The following ERBB4 variants were observed in gnomAD, a reference collection of about 807,000 sequenced individuals.
ERBB4 encodes erb-b2 receptor tyrosine kinase 4.
Under a neutral mutation model 158.0 loss-of-function variants are expected in ERBB4, and 42 were observed. That is an observed-to-expected ratio of 0.27 (90% CI 0.21 to 0.34). ERBB4 has a LOEUF of 0.34. Among genes scored for constraint, ERBB4 ranks in the 10% least tolerant of loss-of-function variants. ERBB4 has a pLI of 1.00. For missense variants in ERBB4, 1,333 were observed against 1,624.1 expected (o/e 0.82, Z 3.08); for synonymous variants, 583 against 558.7 (o/e 1.04, Z -0.61).
At chr2:212,494,915 G>A (rs577937865) in intron 1 of ERBB4, among the ~76,000 whole-genome samples, 1 of 152,214 alleles carries the variant, frequency 6.6e-6, no homozygotes, top group Non-Finnish European at 1.5e-5. Flanking sequence ...TTACAATAGA[G>A]TTAATGCAGA....
intron 1 of ERBB4, among the ~76,000 whole-genome samples, chr2:212,520,536 A>T (rs1300673680): frequency 6.6e-6 from 1 of 151,954 alleles, no homozygotes; most frequent in Non-Finnish European, 1.5e-5. Flanking sequence ...GTTCTGGAGC[A>T]CCACCTGTCA....
At chr2:211,649,542 C>A (rs1165168099) in intron 16 of ERBB4, among the ~76,000 whole-genome samples, 1 of 151,836 alleles carries the variant, frequency 6.6e-6, no homozygotes, top group Non-Finnish European at 1.5e-5. Flanking sequence ...AGAGATTGAA[C>A]AAAGGAGTTG....
intron 20 of ERBB4, among the ~76,000 whole-genome samples, chr2:211,551,085 T>A (rs1019255387): frequency 2.6e-5 from 4 of 152,106 alleles, no homozygotes; most frequent in Admixed American, 6.5e-5. Context: ...TTAAAAAAAA[T>A]TAAACACTGT....
intron 5 of ERBB4, among the ~76,000 whole-genome samples, chr2:211,747,791 A>G (rs1331407547): frequency 1.3e-5 from 2 of 151,948 alleles, no homozygotes; most frequent in Non-Finnish European, 2.9e-5. Context: ...TCTCAATCTG[A>G]GAATAAATAT....
chr2:211,655,831 G>A (rs1368361233), intron 16 of ERBB4, among the ~76,000 whole-genome samples: 1 of 152,084 alleles, frequency 6.6e-6, no homozygotes. Flanking sequence ...AGACTAACTA[G>A]TCTTGATTGT....
chr2:212,348,652 TG>T (rs144512274), intron 1 of ERBB4, among the ~76,000 whole-genome samples: 19,717 of 152,078 alleles, frequency 0.13, 1,762 homozygotes, highest in Non-Finnish European at 0.19. Flanking sequence ...TGGACAGACT[TG>T]GTCAGAAATA....
chr2:211,557,818 G>A (rs559791605), intron 20 of ERBB4, among the ~76,000 whole-genome samples: 9 of 152,164 alleles, frequency 5.9e-5, no homozygotes, highest in South Asian at 2.1e-4. Context: ...ACATGCACAC[G>A]TATGTTCATT....
At chr2:211,505,775 A>G (rs1343852137) in intron 20 of ERBB4, among the ~76,000 whole-genome samples, 7 of 152,046 alleles carry the variant, frequency 4.6e-5, no homozygotes, top group Admixed American at 4.6e-4. Context: ...CCTGGCTAAC[A>G]CGGTGAAACC....
At chr2:211,977,639 C>T (rs1392782570) in intron 2 of ERBB4, among the ~76,000 whole-genome samples, 3 of 150,458 alleles carry the variant, frequency 2.0e-5, no homozygotes, top group Non-Finnish European at 3.0e-5. Flanking sequence ...TAGCTCGAGA[C>T]CAGCCTGGCC....
chr2:211,826,353 T>C (rs1351870327), intron 3 of ERBB4, among the ~76,000 whole-genome samples: 1 of 151,894 alleles, frequency 6.6e-6, no homozygotes, highest in East Asian at 1.9e-4. Flanking sequence ...CCTGTCTTTA[T>C]GGAACCTTCT....
chr2:211,580,649 G>A (rs2068039381), intron 19 of ERBB4, among the ~76,000 whole-genome samples: 2 of 150,680 alleles, frequency 1.3e-5, no homozygotes, highest in East Asian at 2.0e-4. Flanking sequence ...CCACTACTGT[G>A]TATCTACCCA....
chr2:211,738,540 T>C (rs1001941857), intron 5 of ERBB4, among the ~76,000 whole-genome samples: 11 of 151,896 alleles, frequency 7.2e-5, no homozygotes, highest in Non-Finnish European at 1.3e-4. Flanking sequence ...TCAGCTAATT[T>C]TTTGTATTTT....
At chr2:212,433,115 T>C (rs1179648189) in intron 1 of ERBB4, among the ~76,000 whole-genome samples, 1 of 152,098 alleles carries the variant, frequency 6.6e-6, no homozygotes, top group Admixed American at 6.6e-5. Flanking sequence ...TTACATATTA[T>C]GCATTCTTAA....
intron 1 of ERBB4, among the ~76,000 whole-genome samples, chr2:212,289,876 G>T (rs748021251): frequency 3.9e-5 from 6 of 152,112 alleles, no homozygotes; most frequent in Non-Finnish European, 7.4e-5. Flanking sequence ...ATGTCATTCA[G>T]ATTCTCTATA....
At position 212,376,687 on chromosome 2, in the gene ERBB4, T is replaced by C. The variant is rs568324906; in HGVS notation, c.82+161762A>G. ...GACACTCATTTTCTTCAGTTAATGA[T>C]GTAAGAAAGACTGCATTGACATTCT... On this transcript the variant is annotated intron_variant, in intron 1 of 27. Transcript: ENST00000342788. 2.6e-5 allele frequency among the ~76,000 whole-genome samples: 4 copies of C among 152,200 alleles called. No homozygotes were observed. The East Asian group carries it at 7.7e-4, about 29-fold the overall frequency.
chr2:211,568,627 C>T (rs1225629918), intron 19 of ERBB4, among the ~76,000 whole-genome samples: 2 of 152,086 alleles, frequency 1.3e-5, no homozygotes, highest in Non-Finnish European at 2.9e-5. Flanking sequence ...ATGCAATACC[C>T]TCCAGCTGAA....
intron 2 of ERBB4, among the ~76,000 whole-genome samples, chr2:212,086,408 T>C (rs1457597419): frequency 6.6e-6 from 1 of 151,706 alleles, no homozygotes; most frequent in Non-Finnish European, 1.5e-5. Context: ...ATATTTCTGA[T>C]TTAAATCGCA....
chr2:212,073,704 G>A (rs1409249711), intron 2 of ERBB4, among the ~76,000 whole-genome samples: 2 of 151,902 alleles, frequency 1.3e-5, no homozygotes, highest in African/African-American at 2.4e-5. Context: ...GGATCTGGGC[G>A]GGAGGCAGGT....
chr2:211,560,840 G>T (rs947844174), intron 20 of ERBB4, among the ~76,000 whole-genome samples: 1 of 151,752 alleles, frequency 6.6e-6, no homozygotes, highest in African/African-American at 2.4e-5. Flanking sequence ...TAAAATTTTT[G>T]GTTTAAATTT....
Sources: gnomAD v4.1 joint callset for allele counts (sites outside exome capture counted in the v4.1 genomes callset) on GRCh38, gnomAD v4.1.1 for gene constraint, MANE v1.5 for transcripts, NCBI Gene and HGNC (gene_info 2026-07-23, HGNC 2026-07-21) for gene names.